The following ACYP2 variants were observed in gnomAD, a reference collection of about 807,000 sequenced individuals.
ACYP2 encodes acylphosphatase 2, also known as acylphosphatase-2.
ACYP2 carries 12 observed loss-of-function variants against 11.2 expected under a neutral mutation model. That is an observed-to-expected ratio of 1.08 (90% CI 0.69 to 1.74). The LOEUF is 1.74. ACYP2 is among the 40% of genes most tolerant of loss of function. The pLI is 0.00. For missense variants in ACYP2, 134 were observed against 101.9 expected, an observed-to-expected ratio of 1.31 and a Z score of -1.35; for synonymous variants, 43 against 32.2, an observed-to-expected ratio of 1.33 and a Z score of -1.13.
intron 4 of ACYP2, among the ~76,000 whole-genome samples, chr2:54,101,032 C>T (rs1356873464): frequency 6.6e-6 from 1 of 152,214 alleles, no homozygotes; most frequent in African/African-American, 2.4e-5. Flanking sequence ...CAGCAGTTAG[C>T]AGCTGAGGGT....
chr2:53,992,030 C>T (rs1340425174), intron 2 of ACYP2, among the ~76,000 whole-genome samples: 1 of 151,836 alleles, frequency 6.6e-6, no homozygotes, highest in Admixed American at 6.6e-5. Flanking sequence ...CTCTTTCCCT[C>T]CTTCCTTCCT....
chr2:54,072,566 C>CT (rs755362524), intron 4 of ACYP2, among the ~76,000 whole-genome samples: 1,218 of 55,474 alleles, frequency 0.022, 37 homozygotes, highest in East Asian at 0.14. Context: ...TTTCTTTCTT[C>CT]TTTTTTTTTT....
At chr2:54,004,946 A>G (rs1211391537) in intron 2 of ACYP2, among the ~76,000 whole-genome samples, 2 of 150,912 alleles carry the variant, frequency 1.3e-5, no homozygotes, top group Admixed American at 6.6e-5. Flanking sequence ...AGCTCTTTGT[A>G]TATTTTTGAT....
intron 4 of ACYP2, among the ~76,000 whole-genome samples, chr2:54,070,798 A>G (rs1254685180): frequency 6.8e-6 from 1 of 148,130 alleles, no homozygotes; most frequent in Non-Finnish European, 1.5e-5. Flanking sequence ...GTGCAGTGGC[A>G]CGATTATGGC....
intron 6 of ACYP2, among the ~76,000 whole-genome samples, chr2:54,271,919 A>G (rs374638415): frequency 6.6e-6 from 1 of 152,174 alleles, no homozygotes; most frequent in Non-Finnish European, 1.5e-5. Flanking sequence ...GCAAATAATC[A>G]TAGTTTTCTC....
intron 1 of ACYP2, among the ~76,000 whole-genome samples, chr2:53,973,289 G>A (rs1671262694): frequency 6.6e-6 from 1 of 152,130 alleles, no homozygotes; most frequent in Admixed American, 6.6e-5. Context: ...CAGCAAATAT[G>A]GACAACCTTT....
At chr2:53,984,641 C>T (rs1334645746) in intron 2 of ACYP2, among the ~76,000 whole-genome samples, 3 of 149,286 alleles carry the variant, frequency 2.0e-5, no homozygotes, top group Admixed American at 1.3e-4. Context: ...ATATATATAG[C>T]ATATATATAA....
chr2:54,078,072 G>A (rs747326151), intron 4 of ACYP2, among the ~76,000 whole-genome samples: 1 of 151,012 alleles, frequency 6.6e-6, no homozygotes, highest in Non-Finnish European at 1.5e-5. Context: ...CAGGCCTCCT[G>A]AATAGCTGGG....
At chr2:54,148,235 T>G (rs1681985754) in intron 6 of ACYP2, among the ~76,000 whole-genome samples, 1 of 152,134 alleles carries the variant, frequency 6.6e-6, no homozygotes, top group South Asian at 2.1e-4. Flanking sequence ...GAAATTGGCT[T>G]GGTTTTTTGA....
At chr2:53,994,689 T>A (rs1223621702) in intron 2 of ACYP2, among the ~76,000 whole-genome samples, 1 of 152,118 alleles carries the variant, frequency 6.6e-6, no homozygotes, top group Non-Finnish European at 1.5e-5. Context: ...ATATCAGACC[T>A]TCAACCAAAT....
chr2:54,244,828 TGATCA>T (rs1349330592), intron 6 of ACYP2, among the ~76,000 whole-genome samples: 1 of 152,228 alleles, frequency 6.6e-6, no homozygotes, highest in South Asian at 2.1e-4. Flanking sequence ...CAATGCTTAG[TGATCA>T]GATCAGGATA....
chr2:54,017,812 G>C (rs1038847546), intron 2 of ACYP2, among the ~76,000 whole-genome samples: 1 of 138,356 alleles, frequency 7.2e-6, no homozygotes, highest in South Asian at 2.2e-4. Flanking sequence ...TGGTAGTCAG[G>C]GGTGAGTGGA....
chr2:54,090,015 G>C (rs1272101275), intron 4 of ACYP2, among the ~76,000 whole-genome samples: 1 of 151,406 alleles, frequency 6.6e-6, no homozygotes, highest in Non-Finnish European at 1.5e-5. Context: ...GCATGGTGGC[G>C]GGCACCTGTA....
At chr2:54,132,519 A>T (rs906815450) in intron 4 of ACYP2, among the ~76,000 whole-genome samples, 2 of 152,062 alleles carry the variant, frequency 1.3e-5, no homozygotes, top group African/African-American at 4.8e-5. Context: ...GGAAACTATA[A>T]ATCTGCTTAC....
intron 6 of ACYP2, chr2:54,255,457 T>C: frequency 2.5e-6 from 4 of 1,614,016 alleles, no homozygotes; most frequent in Admixed American, 1.7e-5. Flanking sequence ...TTCATGAATC[T>C]GCCCAAACCT....
chr2:54,111,211 C>G (rs1043152535), intron 4 of ACYP2, among the ~76,000 whole-genome samples: 3 of 152,122 alleles, frequency 2.0e-5, no homozygotes, highest in African/African-American at 7.2e-5. Context: ...TCAAGAATTC[C>G]AAGTGGGGTG....
At chr2:54,209,770 T>G (rs1685251298) in intron 6 of ACYP2, among the ~76,000 whole-genome samples, 1 of 152,186 alleles carries the variant, frequency 6.6e-6, no homozygotes, top group Non-Finnish European at 1.5e-5. Flanking sequence ...ACTCTATTCC[T>G]GCCATGTTGA....
In ACYP2 at chr2:54,196,485, T is replaced by A. The variant is rs185703180; in HGVS notation, c.404+57737T>A. ...ACACAGACCTCCAGCCAAGATTTAA[T>A]TTTCTTCTTCTGATGTGATTATTTC... On this transcript the variant is annotated intron_variant, in intron 6 of 6. Coordinates refer to ENST00000607452, the MANE Select transcript of ACYP2 (RefSeq NM_001320586.2). Among the ~76,000 whole-genome samples, 147 of 152,344 alleles carry A rather than the reference T, an allele frequency of 9.6e-4. 1 individual carries two copies. Among genetic ancestry groups the A allele is most frequent in the African/African-American group, 2.7e-3 (114 of 41,594 alleles).
intron 4 of ACYP2, among the ~76,000 whole-genome samples, chr2:54,068,784 G>A (rs1424240655): frequency 1.3e-5 from 2 of 152,082 alleles, no homozygotes; most frequent in Non-Finnish European, 2.9e-5. Context: ...TGTTTGAGAA[G>A]GAGGCTGCAT....
Sources: allele counts gnomAD v4.1 joint callset (sites outside exome capture counted in the v4.1 genomes callset), GRCh38; gene constraint gnomAD v4.1.1; transcripts MANE v1.5; gene names NCBI Gene and HGNC (gene_info 2026-07-23, HGNC 2026-07-21).